NEBL: variants seen among roughly 807,000 people sequenced by gnomAD.
NEBL encodes LIM and SH3 protein 2.
In NEBL, 122 loss-of-function variants were observed where a neutral mutation model predicts 140.2. The ratio of observed to expected loss-of-function variants is 0.87; its 90% CI spans 0.75 to 1.01. The LOEUF (loss-of-function observed/expected upper bound fraction) is 1.01. Ranked by LOEUF, NEBL falls within the 50% of genes least tolerant of loss-of-function variation. The pLI is 0.00. For missense variants in NEBL, 1,365 were observed against 1,231.3 expected (o/e 1.11, Z -1.62); for synonymous variants, 436 against 398.9 (o/e 1.09, Z -1.11).
chr10:20,924,752 G>T (rs891136982), intron 4 of NEBL, among the ~76,000 whole-genome samples: 1 of 152,104 alleles, frequency 6.6e-6, no homozygotes, highest in African/African-American at 2.4e-5. Context: ...GTGCTCTCTG[G>T]AACACTGTAG....
rs1463193348 is a variant in NEBL at position 20,895,340 on chromosome 10, C to A, written c.153+1618G>T. Among the ~76,000 whole-genome samples the A allele has an allele frequency of 2.6e-5, 4 of 152,166 alleles. No homozygotes were observed. The East Asian group carries it at 7.7e-4, about 29-fold the overall frequency. ...TAATAGTAACATAATAATAATAAGG[C>A]GAAGAACAACATTTCATGGAAATCT... On this transcript the variant is annotated intron_variant, in intron 2 of 27. Transcript: ENST00000377122.
chr10:21,186,822 A>AC (rs1281104163), intron 3 of NEBL, among the ~76,000 whole-genome samples: 1 of 152,142 alleles, frequency 6.6e-6, no homozygotes, highest in Non-Finnish European at 1.5e-5. Flanking sequence ...TAAAACGTAA[A>AC]AGCCACGTAA....
chr10:21,154,071 G>T (rs1054263948), intron 2 of NEBL, among the ~76,000 whole-genome samples: 1 of 152,060 alleles, frequency 6.6e-6, no homozygotes, highest in African/African-American at 2.4e-5. Context: ...ATCATAAAGA[G>T]AATGATTCTC....
intron 3 of NEBL, among the ~76,000 whole-genome samples, chr10:21,184,870 G>A (rs1841441136): frequency 6.6e-6 from 1 of 152,182 alleles, no homozygotes; most frequent in Non-Finnish European, 1.5e-5. Flanking sequence ...TTGGCCTGGT[G>A]TACCCGAGAC....
intron 2 of NEBL, among the ~76,000 whole-genome samples, chr10:21,111,570 C>T (rs1049515866): frequency 6.6e-6 from 1 of 151,388 alleles, no homozygotes; most frequent in African/African-American, 2.4e-5. Context: ...CCCTTCCTTA[C>T]ACCATATACA....
intron 2 of NEBL, among the ~76,000 whole-genome samples, chr10:21,049,731 A>T (rs1331225255): frequency 6.6e-6 from 1 of 151,990 alleles, no homozygotes; most frequent in Non-Finnish European, 1.5e-5. Flanking sequence ...TTCTCCCCCT[A>T]CTGCAGTGAC....
chr10:20,873,144 G>A (rs1407718418), intron 5 of NEBL, among the ~76,000 whole-genome samples: 2 of 152,178 alleles, frequency 1.3e-5, no homozygotes, highest in Non-Finnish European at 2.9e-5. Flanking sequence ...CCATCCATCA[G>A]AGCTCAGGAA....
chr10:21,148,315 C>T (rs1839992173), intron 2 of NEBL, among the ~76,000 whole-genome samples: 2 of 152,160 alleles, frequency 1.3e-5, no homozygotes, highest in South Asian at 4.2e-4. Context: ...CTTGTTATTT[C>T]CTAAGTGACT....
At chr10:21,106,726 G>C (rs1054179592) in intron 2 of NEBL, among the ~76,000 whole-genome samples, 1 of 152,192 alleles carries the variant, frequency 6.6e-6, no homozygotes, top group Non-Finnish European at 1.5e-5. Context: ...TGTGAAGAAA[G>C]TCAGTAGTAG....
At chr10:20,893,600 A>G (rs1460515913) in intron 2 of NEBL, among the ~76,000 whole-genome samples, 1 of 152,190 alleles carries the variant, frequency 6.6e-6, no homozygotes, top group East Asian at 1.9e-4. Flanking sequence ...CTCTATGGAG[A>G]ATTCTAAGCA....
At chr10:20,992,627 C>A (rs1837505296) in intron 3 of NEBL, among the ~76,000 whole-genome samples, 1 of 152,110 alleles carries the variant, frequency 6.6e-6, no homozygotes, top group African/African-American at 2.4e-5. Context: ...CTATCCCTGA[C>A]TGCTCAGCCT....
At chr10:21,048,062 C>T (rs567669704) in intron 2 of NEBL, among the ~76,000 whole-genome samples, 1 of 152,252 alleles carries the variant, frequency 6.6e-6, no homozygotes, top group South Asian at 2.1e-4. Context: ...CATTGCAATG[C>T]AAAGTGAGCG....
At chr10:21,142,070 CA>C (rs1839657257) in intron 2 of NEBL, among the ~76,000 whole-genome samples, 1 of 152,134 alleles carries the variant, frequency 6.6e-6, no homozygotes, top group South Asian at 2.1e-4. Flanking sequence ...TGTAATAGGA[CA>C]AAAGACCTCA....
In NEBL at chr10:21,231,114, G is replaced by A. The variant is rs72798585; in HGVS notation, n.348+16807C>T. On this transcript the variant is annotated intron_variant and non_coding_transcript_variant, in intron 3 of 8. Transcript: ENST00000675702. ...CACAAGTTGATGTATTCATTCATTC[G>A]TTCTTGCTGTGTCCTCGCGATGTGC... 3.3e-5 allele frequency among the ~76,000 whole-genome samples: 5 copies of A among 152,212 alleles called. No individual in the cohort carries two copies. In the East Asian group the frequency reaches 5.8e-4, roughly 18 times the overall value.
At chr10:20,917,209 A>T (rs1934679) in intron 4 of NEBL, among the ~76,000 whole-genome samples, 100,112 of 152,088 alleles carry the variant, frequency 0.66, 33,229 homozygotes, top group Admixed American at 0.74. Flanking sequence ...TTTTGTCCTC[A>T]CCCAGCATAC....
intron 2 of NEBL, among the ~76,000 whole-genome samples, chr10:21,133,501 T>C (rs1839210517): frequency 6.6e-6 from 1 of 152,130 alleles, no homozygotes; most frequent in Non-Finnish European, 1.5e-5. Flanking sequence ...CTGTGTGCCT[T>C]TGAGTCAAGT....
intron 3 of NEBL, among the ~76,000 whole-genome samples, chr10:21,184,570 CTTCATTATATGAAAAG>C (rs1841435286): frequency 6.6e-6 from 1 of 152,150 alleles, no homozygotes. Flanking sequence ...AGAAAAGAGC[CTTCATTATATGAAAAG>C]GAAACCTGAT....
At chr10:20,940,991 G>A (rs1443737684) in intron 4 of NEBL, among the ~76,000 whole-genome samples, 17 of 152,212 alleles carry the variant, frequency 1.1e-4, no homozygotes, top group East Asian at 3.9e-4. Context: ...ATTCACAGCC[G>A]AATTCTACCA....
chr10:20,999,164 A>G (rs866660108), intron 3 of NEBL, among the ~76,000 whole-genome samples: 11 of 133,420 alleles, frequency 8.2e-5, no homozygotes, highest in South Asian at 4.9e-4. Flanking sequence ...TGTGGGGGGA[A>G]AAAAAAAAAA....
Sources: allele counts gnomAD v4.1 joint callset (sites outside exome capture counted in the v4.1 genomes callset), GRCh38; gene constraint gnomAD v4.1.1; transcripts MANE v1.5; gene names NCBI Gene and HGNC (gene_info 2026-07-23, HGNC 2026-07-21).